B3GALT1: variants seen among roughly 807,000 people sequenced by gnomAD.
The protein encoded by B3GALT1 is UDP-Gal:betaGlcNAc beta 1,3-galactosyltransferase, polypeptide 1.
A neutral mutation model predicts 23.2 loss-of-function variants in B3GALT1; 10 were observed. The ratio of observed to expected loss-of-function variants is 0.43; its 90% confidence interval spans 0.27 to 0.73. The LOEUF is 0.73. Ranked by LOEUF, B3GALT1 falls within the 30% of genes least tolerant of loss-of-function variation. The probability of loss-of-function intolerance (pLI) is 0.21; values close to 1 mark genes in which losing one functional copy is unlikely to be tolerated. For synonymous variants in B3GALT1, 156 were observed against 141.5 expected, an observed-to-expected ratio of 1.10 and a Z score of -0.73; for missense variants, 299 against 405.4, an observed-to-expected ratio of 0.74 and a Z score of 2.25.
In B3GALT1 at chr2:167,811,910, A is replaced by G. The variant is rs367924442; in HGVS notation, c.-351-6762A>G. Among the ~76,000 whole-genome samples, 5 of 152,302 alleles carry G rather than the reference A, an allele frequency of 3.3e-5. No homozygotes were observed. The East Asian group carries it at 5.8e-4, about 18-fold the overall frequency. ...ATTAAGAGATACTATTGCTGTTTCA[A>G]CTGTCTATAGGGCATAATCATTAAG... On this transcript the variant is annotated intron_variant, in intron 3 of 4. Transcript: ENST00000392690.
chr2:167,471,460 AGCAGAT>A (rs1302520581), intron 1 of B3GALT1, among the ~76,000 whole-genome samples: 10 of 152,298 alleles, frequency 6.6e-5, no homozygotes, highest in African/African-American at 2.2e-4. Flanking sequence ...GATTTCAGAG[AGCAGAT>A]GTAGAAACTG....
rs183783281 is a variant in B3GALT1, at chr2:167,676,757, G to A, written c.-352+29791G>A. Among the ~76,000 whole-genome samples, 795 of 152,090 alleles carry A rather than the reference G, an allele frequency of 5.2e-3. 7 individuals carry two copies. Among genetic ancestry groups the A allele is most frequent in the African/African-American group, 0.018 (733 of 41,504 alleles). ...GCTCCATGTTGGCCAGGCTGGTCTC[G>A]AACTCCTGGCCTCAAGTGATCCACC... On this transcript the variant is annotated intron_variant, in intron 3 of 4. Transcript: ENST00000392690.
chr2:167,869,621 C>T lies in B3GALT1; in HGVS notation c.582C>T (p.Pro194=), dbSNP rs752190776. The change falls in exon 5 of 5, where the codon CCC becomes CCT. Residue 194 remains proline, a synonymous_variant. Coordinates refer to ENST00000392690, the MANE Select transcript of B3GALT1 (RefSeq NM_020981.4). This position sits in a 1 kb window ranked among gnomAD's most constrained non-coding sequence, Gnocchi z 6.4. ...MDNLIYKLLK[P]STKPRRRYFT... is the part of the protein sequence containing the mutation. Reference sequence around the variant, plus strand: ...ATCTTATTTATAAATTACTGAAACCCTCCACCAAGCCACGAAGAAGGTATT... The same window carrying T: ...ATCTTATTTATAAATTACTGAAACCTTCCACCAAGCCACGAAGAAGGTATT... 1.9e-6 allele frequency: 3 copies of T among 1,614,140 alleles called. No homozygotes were observed. Among genetic ancestry groups the T allele is most frequent in the Non-Finnish European group, 1.7e-6 (2 of 1,180,034 alleles).
Position 167,335,246 on chromosome 2 carries a change from G to A in B3GALT1, c.-511+41912G>A, listed in dbSNP as rs1433649746. 7.2e-5 allele frequency among the ~76,000 whole-genome samples: 11 copies of A among 151,996 alleles called. 1 individual carries two copies. Among genetic ancestry groups the A allele is most frequent in the Non-Finnish European group, 1.6e-4 (11 of 68,014 alleles). On this transcript the variant is annotated intron_variant, in intron 1 of 4. Coordinates refer to ENST00000392690, the MANE Select transcript of B3GALT1 (RefSeq NM_020981.4). ...AATAAAAAACAGTAGTAGTACAGCT[G>A]AATTTATTCTAAAAAGTAGATTGGC...
intron 3 of B3GALT1, among the ~76,000 whole-genome samples, chr2:167,649,375 G>A (rs1254741548): frequency 6.6e-6 from 1 of 151,870 alleles, no homozygotes; most frequent in African/African-American, 2.4e-5. Context: ...ATTCACAATG[G>A]TGTGCAATCA....
chr2:167,386,887 T>G (rs919556988), intron 1 of B3GALT1, among the ~76,000 whole-genome samples: 3 of 152,218 alleles, frequency 2.0e-5, no homozygotes, highest in Non-Finnish European at 2.9e-5. Context: ...GTAAAATAGA[T>G]GAAAGAGAAG....
At chr2:167,496,009 A>G (rs1245626230) in intron 2 of B3GALT1, among the ~76,000 whole-genome samples, 1 of 152,240 alleles carries the variant, frequency 6.6e-6, no homozygotes, top group African/African-American at 2.4e-5. Flanking sequence ...AGAAGAAAGA[A>G]ACATTTCAGT....
chr2:167,707,322 A>G (rs1227613391), intron 3 of B3GALT1, among the ~76,000 whole-genome samples: 3 of 152,108 alleles, frequency 2.0e-5, no homozygotes, highest in Admixed American at 6.5e-5. Flanking sequence ...TTATGTAGCA[A>G]TAGATAAGTA....
intron 3 of B3GALT1, among the ~76,000 whole-genome samples, chr2:167,747,133 A>G (rs1310700330): frequency 6.6e-6 from 1 of 152,064 alleles, no homozygotes; most frequent in African/African-American, 2.4e-5. Flanking sequence ...TTTGGGGCTT[A>G]TATGTAAAAT....
At chr2:167,592,230 T>G (rs1208632312) in intron 2 of B3GALT1, among the ~76,000 whole-genome samples, 3 of 152,180 alleles carry the variant, frequency 2.0e-5, no homozygotes, top group African/African-American at 7.2e-5. Flanking sequence ...GAGCTTTCAG[T>G]GTATAGATAT....
chr2:167,868,871 G>A lies in B3GALT1; in HGVS notation c.-169G>A. 1.5e-6 allele frequency: 1 copy of A among 685,182 alleles called. No homozygotes were observed. The highest frequency in any genetic ancestry group is 2.4e-6 in the Non-Finnish European group (1 of 424,994). 42.4% of individuals were successfully genotyped at this position (685,182 alleles called of 1,614,324 possible). On this transcript the variant is annotated 5_prime_UTR_variant, in exon 5 of 5. The change abolishes an upstream ATG in the 5' untranslated region. Coordinates refer to ENST00000392690, the MANE Select transcript of B3GALT1 (RefSeq NM_020981.4). ...CATCAGATTTGGAAGAAAGTAGAAT[G>A]AGCGCAGAGGTGACAGACAGCCACT... is the stretch of plus-strand genomic sequence containing the variant.
chr2:167,829,315 C>T (rs1689292943), intron 4 of B3GALT1, among the ~76,000 whole-genome samples: 1 of 151,962 alleles, frequency 6.6e-6, no homozygotes, highest in East Asian at 1.9e-4. Flanking sequence ...AACCCCATCT[C>T]TACTAAAAAT....
rs558888749 is a variant in B3GALT1 at position 167,367,875 on chromosome 2, G to A, written c.-511+74541G>A. On this transcript the variant is annotated intron_variant, in intron 1 of 4. Coordinates refer to ENST00000392690, the MANE Select transcript of B3GALT1 (RefSeq NM_020981.4). ...CTAGTCATTCTTTAAATCATAAATAGGACTCTCTGGAGTGTTTCAAGGTAT... is the reference window on the plus strand; with the variant it reads ...CTAGTCATTCTTTAAATCATAAATAAGACTCTCTGGAGTGTTTCAAGGTAT... Among the ~76,000 whole-genome samples, 212 of 152,284 alleles carry A rather than the reference G, an allele frequency of 1.4e-3. 1 individual carries two copies. Among genetic ancestry groups the A allele is most frequent in the Non-Finnish European group, 4.7e-4 (32 of 68,028 alleles).
At chr2:167,547,873 C>G (rs1683669112) in intron 2 of B3GALT1, among the ~76,000 whole-genome samples, 1 of 152,078 alleles carries the variant, frequency 6.6e-6, no homozygotes, top group South Asian at 2.1e-4. Context: ...AACATCATAT[C>G]AACAATCTCT....
At position 167,678,079 on chromosome 2, in the gene B3GALT1, C is replaced by A. The variant is rs1281440034; in HGVS notation, c.-352+31113C>A. Among the ~76,000 whole-genome samples, 3 of 152,184 alleles carry A rather than the reference C, an allele frequency of 2.0e-5. No individual in the cohort carries two copies. The East Asian group carries it at 5.8e-4, about 29-fold the overall frequency. On this transcript the variant is annotated intron_variant, in intron 3 of 4. Transcript: ENST00000392690. The stretch of plus-strand genomic sequence containing the variant: ...ATTTTGGATGGGGACACAGTCAAAC[C>A]ATATCACCCCCCTTATCCAATCACC...
chr2:167,573,904 A>G (rs1295627561), intron 2 of B3GALT1, among the ~76,000 whole-genome samples: 2 of 151,730 alleles, frequency 1.3e-5, no homozygotes, highest in Admixed American at 1.3e-4. Context: ...TCCGAATTCT[A>G]TGTACAAGTT....
chr2:167,477,251 G>A (rs746699173), intron 1 of B3GALT1, among the ~76,000 whole-genome samples: 21 of 152,130 alleles, frequency 1.4e-4, no homozygotes, highest in East Asian at 3.9e-4. Flanking sequence ...AAAAAGCCAC[G>A]TTGGCAAGTA....
chr2:167,841,409 A>T (rs984735154), intron 4 of B3GALT1, among the ~76,000 whole-genome samples: 4 of 152,110 alleles, frequency 2.6e-5, no homozygotes, highest in Non-Finnish European at 4.4e-5. Context: ...GGAGACCGAA[A>T]ATTTGGGTTG....
chr2:167,835,568 G>GGCT (rs897843890), intron 4 of B3GALT1, among the ~76,000 whole-genome samples: 29 of 152,314 alleles, frequency 1.9e-4, no homozygotes, highest in African/African-American at 7.0e-4. Flanking sequence ...GCTCAAGGAG[G>GGCT]GCTGCCTGCC....
Sources: gnomAD v4.1 joint callset for allele counts (sites outside exome capture counted in the v4.1 genomes callset) on GRCh38, gnomAD v4.1.1 for gene constraint, Gnocchi (gnomAD v3.1) non-coding constraint, MANE v1.5 for transcripts, NCBI Gene and HGNC (gene_info 2026-07-23, HGNC 2026-07-21) for gene names.